PPP6R1: variants seen among roughly 807,000 people sequenced by gnomAD.
PPP6R1 encodes protein phosphatase 6 regulatory subunit 1.
PPP6R1 carries 39 observed loss-of-function variants against 104.6 expected under a neutral mutation model. That is an observed-to-expected ratio of 0.37 (90% CI 0.29 to 0.49). The LOEUF is 0.49. Ranked by LOEUF, PPP6R1 falls within the 20% of genes least tolerant of loss-of-function variation. PPP6R1 has a pLI of 0.98. For missense variants in PPP6R1, 1,181 were observed against 1,155.8 expected (o/e 1.02, Z -0.32); for synonymous variants, 549 against 479.0 (o/e 1.15, Z -1.91).
intron 19 of PPP6R1, 43 bp downstream of exon 19, chr19:55,231,759 T>C: frequency 6.7e-7 from 1 of 1,492,034 alleles, no homozygotes; most frequent in Admixed American, 2.4e-5. Context: ...CCTCCTGGCC[T>C]CGGGATACCA....
intron 1 of PPP6R1, among the ~76,000 whole-genome samples, chr19:55,252,461 C>A (rs1265045472): frequency 6.6e-6 from 1 of 150,806 alleles, no homozygotes; most frequent in Non-Finnish European, 1.5e-5. Context: ...TGCAGCGGCG[C>A]GATCTCGGCT....
intron 5 of PPP6R1, among the ~76,000 whole-genome samples, chr19:55,243,245 T>G (rs2087475380): frequency 6.6e-6 from 1 of 151,704 alleles, no homozygotes; most frequent in African/African-American, 2.4e-5. Flanking sequence ...AAACCCCATC[T>G]CTACTAAAAA....
intron 1 of PPP6R1, among the ~76,000 whole-genome samples, chr19:55,250,079 C>T (rs1489171183): frequency 1.3e-5 from 2 of 152,162 alleles, no homozygotes; most frequent in Non-Finnish European, 2.9e-5. Context: ...GCCTGAGGCA[C>T]AGTGCTGGAT....
chr19:55,241,032 T>C lies in PPP6R1; in HGVS notation c.1209A>G (p.Val403=), dbSNP rs2087451119. Reference sequence around the variant, plus strand: ...TCAGCATGGTGCTCACGCATCCCTCTACTTGGGCATGCAAGAAGTTGTTGA... The same window carrying C: ...TCAGCATGGTGCTCACGCATCCCTCCACTTGGGCATGCAAGAAGTTGTTGA... ...YVFNNFLHAQ[V]EGCVSTMLSL... The change falls in exon 10 of 24, where the codon GTA becomes GTG. Residue 403 remains valine, a synonymous_variant. Coordinates refer to ENST00000412770, the MANE Select transcript of PPP6R1 (RefSeq NM_014931.4). This position sits in a 1 kb window ranked among gnomAD's most constrained non-coding sequence, Gnocchi z 5.4. 6.4e-7 allele frequency: 1 copy of C among 1,567,276 alleles called. No individual in the cohort carries two copies. Among genetic ancestry groups the C allele is most frequent in the Non-Finnish European group, 8.6e-7 (1 of 1,156,190 alleles).
chr19:55,234,851 G>A (rs987929885), intron 17 of PPP6R1, among the ~76,000 whole-genome samples: 2 of 152,214 alleles, frequency 1.3e-5, no homozygotes, highest in African/African-American at 4.8e-5. Flanking sequence ...AGGAGATGCT[G>A]TATGCTATAT....
intron 15 of PPP6R1, 25 bp downstream of exon 15, chr19:55,239,380 G>T: frequency 6.3e-7 from 1 of 1,595,216 alleles, no homozygotes. Flanking sequence ...GGACAGGGCT[G>T]TGACCCTGCG....
At chr19:55,236,320 A>C in intron 17 of PPP6R1, 1 of 260,916 alleles carries the variant, frequency 3.8e-6, no homozygotes. Context: ...ATGCCCATCT[A>C]ACTTTTGTAT....
chr19:55,241,094 A>G lies in PPP6R1; in HGVS notation c.1162-15T>C. ...AAGAAGAGGTCCTATGGGAGGACAC[A>G]GGATTGGTACCAGAGAGGCCCCGCC... is the stretch of plus-strand genomic sequence containing the variant. On this transcript the variant is annotated splice_polypyrimidine_tract_variant and intron_variant, in intron 9 of 23. Transcript: ENST00000412770. The surrounding 1 kb of genome is among the most constrained non-coding windows in gnomAD (Gnocchi z 5.4). 6.5e-7 allele frequency: 1 copy of G among 1,549,100 alleles called. No homozygotes were observed. Among genetic ancestry groups the G allele is most frequent in the Non-Finnish European group, 8.7e-7 (1 of 1,146,820 alleles).
intron 1 of PPP6R1, chr19:55,247,478 A>C (rs1004232359): frequency 8.8e-6 from 2 of 227,050 alleles, no homozygotes; most frequent in South Asian, 7.5e-5. Context: ...AAGAGGCTGG[A>C]CCCTGTGCAC....
At chr19:55,256,767 C>T (rs1013655900) in intron 1 of PPP6R1, among the ~76,000 whole-genome samples, 1 of 152,210 alleles carries the variant, frequency 6.6e-6, no homozygotes, top group African/African-American at 2.4e-5. Flanking sequence ...GTGGGAAAAT[C>T]ACTTGAGTCC....
At chr19:55,248,753 G>A (rs1024576061) in intron 1 of PPP6R1, among the ~76,000 whole-genome samples, 1 of 152,254 alleles carries the variant, frequency 6.6e-6, no homozygotes, top group African/African-American at 2.4e-5. Context: ...CAGGCCCAGG[G>A]AAGAGACTTC....
At chr19:55,251,001 C>T (rs1439449609) in intron 1 of PPP6R1, among the ~76,000 whole-genome samples, 1 of 152,230 alleles carries the variant, frequency 6.6e-6, no homozygotes, top group Non-Finnish European at 1.5e-5. Flanking sequence ...TTTCAGAACA[C>T]ACTAAGCTTG....
intron 15 of PPP6R1, among the ~76,000 whole-genome samples, chr19:55,238,303 A>G (rs1460605725): frequency 6.6e-6 from 1 of 152,228 alleles, no homozygotes; most frequent in African/African-American, 2.4e-5. Flanking sequence ...AGCAGCCAAC[A>G]CAGGATATCA....
At chr19:55,242,661 T>C (rs557844117) in intron 5 of PPP6R1, 173 bp from the exon 6 acceptor site, 2 of 624,960 alleles carry the variant, frequency 3.2e-6, no homozygotes, top group East Asian at 2.8e-5. Flanking sequence ...GGAGGGAAGA[T>C]GGTGGAGAGA....
chr19:55,241,643 C>T lies in PPP6R1; in HGVS notation c.846-4G>A. Reference sequence around the variant, plus strand: ...GTTCACGGTCACGGACTCGGACCTGCAGCAGGGCAGGGTCGAAGGCGGAGT... The same window carrying T: ...GTTCACGGTCACGGACTCGGACCTGTAGCAGGGCAGGGTCGAAGGCGGAGT... On this transcript the variant is annotated splice_region_variant and splice_polypyrimidine_tract_variant and intron_variant, in intron 7 of 23. Transcript: ENST00000412770. This position sits in a 1 kb window ranked among gnomAD's most constrained non-coding sequence, Gnocchi z 5.4. The T allele has an allele frequency of 1.3e-6, 2 of 1,568,688 alleles. No homozygotes were observed. The highest frequency in any genetic ancestry group is 2.3e-5 in the East Asian group (1 of 42,634).
chr19:55,236,913 G>C lies in PPP6R1; in HGVS notation c.1809C>G (p.Asn603Lys). ...AACCAGGGGACAGGGCAGTACTCAC[G>C]TTCTCATCGTCAGCATTGAGGGAGA... ...ITFSLNADDENPNANLLEICY... is the reference protein window; with the variant it reads ...ITFSLNADDEKPNANLLEICY... The change falls in exon 16 of 24, where the codon AAC becomes AAG. Residue 603 changes from asparagine (N) to lysine (K), a missense_variant and splice_region_variant. Transcript: ENST00000412770. The C allele has an allele frequency of 6.2e-7, 1 of 1,612,928 alleles. No homozygotes were observed. Among genetic ancestry groups the C allele is most frequent in the African/African-American group, 1.3e-5 (1 of 75,032 alleles).
At chr19:55,231,018 A>C (rs1047528257) in intron 21 of PPP6R1, 134 bp from the exon 22 acceptor site, 4 of 754,814 alleles carry the variant, frequency 5.3e-6, no homozygotes, top group Non-Finnish European at 8.8e-6. Context: ...GGGCCTCCCG[A>C]GGACGCAGCT....
chr19:55,236,805 A>T lies in PPP6R1; in HGVS notation c.1826T>A (p.Leu609His), dbSNP rs1255020576. The change falls in exon 17 of 24, where the codon CTT becomes CAT. Residue 609 changes from leucine (L) to histidine (H), a missense_variant. Physicochemically the swap from Leu to His is moderately conservative, Grantham distance 99. Coordinates refer to ENST00000412770, the MANE Select transcript of PPP6R1 (RefSeq NM_014931.4). ...GATGCGGTCCTTGTAGCATATCTCAAGTAGGTTGGCGTTGGGCTGCAGGGC... is the reference window on the plus strand; with the variant it reads ...GATGCGGTCCTTGTAGCATATCTCATGTAGGTTGGCGTTGGGCTGCAGGGC... Reference protein sequence around the residue: ...ADDENPNANLLEICYKDRIQQ... With the variant: ...ADDENPNANLHEICYKDRIQQ... 2 of 1,613,722 alleles carry T rather than the reference A, an allele frequency of 1.2e-6. No homozygotes were observed. Among genetic ancestry groups the T allele is most frequent in the East Asian group, 4.5e-5 (2 of 44,882 alleles).
intron 1 of PPP6R1, among the ~76,000 whole-genome samples, chr19:55,253,321 A>G (rs1033231832): frequency 1.1e-4 from 16 of 152,272 alleles, no homozygotes; most frequent in Non-Finnish European, 8.8e-5. Context: ...AACAACAGGC[A>G]GAAATTCTCA....
Sources: allele counts gnomAD v4.1 joint callset (sites outside exome capture counted in the v4.1 genomes callset), GRCh38; gene constraint gnomAD v4.1.1; non-coding constraint Gnocchi (gnomAD v3.1); transcripts MANE v1.5; gene names NCBI Gene and HGNC (gene_info 2026-07-23, HGNC 2026-07-21).